The following RAB3C variants were observed in gnomAD, a reference collection of about 807,000 sequenced individuals.
RAB3C encodes RAB3C, member RAS oncogene family, also known as ras-related protein Rab-3C.
In RAB3C, 17 loss-of-function variants were observed where a neutral mutation model predicts 26.4. The observed-to-expected ratio is 0.64, with a 90% CI of 0.44 to 0.97. RAB3C has a LOEUF of 0.97. Ranked by LOEUF, RAB3C falls within the 50% of genes least tolerant of loss-of-function variation. The probability of loss-of-function intolerance (pLI) is 0.00; values close to 1 mark genes in which losing one functional copy is unlikely to be tolerated. For synonymous variants in RAB3C, 91 were observed against 95.9 expected (o/e 0.95, Z 0.30); for missense variants, 242 against 281.9 (o/e 0.86, Z 1.01).
chr5:58,799,082 G>A (rs1024272679), intron 3 of RAB3C, among the ~76,000 whole-genome samples: 1 of 151,992 alleles, frequency 6.6e-6, no homozygotes, highest in African/African-American at 2.4e-5. Context: ...TTGAATATGG[G>A]GTACATATTC....
intron 2 of RAB3C, among the ~76,000 whole-genome samples, chr5:58,702,946 T>C (rs954492267): frequency 6.6e-6 from 1 of 152,148 alleles, no homozygotes; most frequent in Non-Finnish European, 1.5e-5. Flanking sequence ...ACCTGGATAG[T>C]GAGTATAAGT....
intron 1 of RAB3C, among the ~76,000 whole-genome samples, chr5:58,588,807 C>A (rs1484462772): frequency 2.0e-5 from 3 of 152,080 alleles, no homozygotes; most frequent in Non-Finnish European, 4.4e-5. Flanking sequence ...TTCTAGTTTT[C>A]TTTAAGATTC....
At chr5:58,696,092 G>A (rs1356583872) in intron 2 of RAB3C, among the ~76,000 whole-genome samples, 4 of 152,184 alleles carry the variant, frequency 2.6e-5, no homozygotes, top group Admixed American at 6.5e-5. Flanking sequence ...TTTGAGATAC[G>A]TTCCATCAAT....
intron 3 of RAB3C, among the ~76,000 whole-genome samples, chr5:58,763,925 T>G (rs1741845387): frequency 6.6e-6 from 1 of 152,172 alleles, no homozygotes; most frequent in Non-Finnish European, 1.5e-5. Context: ...GGATTAGAAG[T>G]CAGGATCTCA....
At chr5:58,676,953 G>T (rs1748242996) in intron 2 of RAB3C, among the ~76,000 whole-genome samples, 1 of 152,000 alleles carries the variant, frequency 6.6e-6, no homozygotes, top group African/African-American at 2.4e-5. Context: ...CCATGAACTG[G>T]GTGACTTAAA....
At chr5:58,781,556 A>C (rs1457619371) in intron 3 of RAB3C, among the ~76,000 whole-genome samples, 1 of 151,864 alleles carries the variant, frequency 6.6e-6, no homozygotes, top group East Asian at 1.9e-4. Flanking sequence ...TTAAGGCTTA[A>C]TTCTTAGTTG....
At chr5:58,764,320 C>G (rs952459591) in intron 3 of RAB3C, among the ~76,000 whole-genome samples, 1 of 152,142 alleles carries the variant, frequency 6.6e-6, no homozygotes, top group African/African-American at 2.4e-5. Flanking sequence ...TAATGCATGA[C>G]GATGTACTCA....
At chr5:58,826,164 G>A (rs1743470861) in intron 4 of RAB3C, among the ~76,000 whole-genome samples, 1 of 152,096 alleles carries the variant, frequency 6.6e-6, no homozygotes, top group Non-Finnish European at 1.5e-5. Context: ...GAGCAATGCA[G>A]AGAGGGCCCC....
At chr5:58,783,048 C>T (rs892166016) in intron 3 of RAB3C, among the ~76,000 whole-genome samples, 1 of 152,028 alleles carries the variant, frequency 6.6e-6, no homozygotes, top group Non-Finnish European at 1.5e-5. Context: ...TTTCATAACT[C>T]TTCCTTTTTG....
At chr5:58,737,460 T>G (rs1313539991) in intron 3 of RAB3C, among the ~76,000 whole-genome samples, 1 of 139,984 alleles carries the variant, frequency 7.1e-6, no homozygotes, top group Non-Finnish European at 1.5e-5. Context: ...ATTTACTTGT[T>G]TACTGTGTTT....
At chr5:58,778,821 C>G (rs1742207218) in intron 3 of RAB3C, among the ~76,000 whole-genome samples, 1 of 152,078 alleles carries the variant, frequency 6.6e-6, no homozygotes, top group South Asian at 2.1e-4. Flanking sequence ...ATCTGACTGA[C>G]TCTTGCCATT....
intron 3 of RAB3C, among the ~76,000 whole-genome samples, chr5:58,755,334 T>C (rs570490583): frequency 6.6e-6 from 1 of 152,356 alleles, no homozygotes; most frequent in South Asian, 2.1e-4. Flanking sequence ...TTCCCTTTAA[T>C]CTGGTGATCT....
At chr5:58,709,644 T>G (rs1161377249) in intron 2 of RAB3C, among the ~76,000 whole-genome samples, 2 of 152,168 alleles carry the variant, frequency 1.3e-5, no homozygotes, top group African/African-American at 4.8e-5. Context: ...GGCCCGTAAT[T>G]GTTGTTGAAT....
chr5:58,764,567 A>G (rs1408293253), intron 3 of RAB3C, among the ~76,000 whole-genome samples: 2 of 152,218 alleles, frequency 1.3e-5, no homozygotes, highest in Non-Finnish European at 2.9e-5. Flanking sequence ...ACTCTCTAAC[A>G]TTTAATGTTG....
chr5:58,725,217 G>A (rs1740861818), intron 2 of RAB3C, among the ~76,000 whole-genome samples: 1 of 151,716 alleles, frequency 6.6e-6, no homozygotes, highest in African/African-American at 2.4e-5. Flanking sequence ...TTCTTGGATG[G>A]CAGGTTTCTT....
chr5:58,619,831 A>G (rs915775471), intron 2 of RAB3C, among the ~76,000 whole-genome samples: 4 of 151,494 alleles, frequency 2.6e-5, no homozygotes, highest in Non-Finnish European at 4.4e-5. Context: ...CTTTAAAACA[A>G]TGCTGGTACC....
chr5:58,656,311 A>G (rs1467893266), intron 2 of RAB3C, among the ~76,000 whole-genome samples: 1 of 152,200 alleles, frequency 6.6e-6, no homozygotes, highest in African/African-American at 2.4e-5. Flanking sequence ...CATGGTGACT[A>G]TAACTAATCA....
chr5:58,679,130 C>T (rs1389694892), intron 2 of RAB3C, among the ~76,000 whole-genome samples: 1 of 152,040 alleles, frequency 6.6e-6, no homozygotes, highest in African/African-American at 2.4e-5. Context: ...AGCAAAGAGA[C>T]AGTGTGGAGT....
intron 2 of RAB3C, among the ~76,000 whole-genome samples, chr5:58,698,790 CT>C (rs1369069394): frequency 1.3e-5 from 2 of 152,158 alleles, no homozygotes; most frequent in African/African-American, 2.4e-5. Context: ...CATTTAAGGT[CT>C]TCTCTACACT....
Sources: gnomAD v4.1 joint callset for allele counts (sites outside exome capture counted in the v4.1 genomes callset) on GRCh38, gnomAD v4.1.1 for gene constraint, MANE v1.5 for transcripts, NCBI Gene and HGNC (gene_info 2026-07-23, HGNC 2026-07-21) for gene names.